Variants in RPGRIP1 observed in about 807,000 individuals in gnomAD.
RPGRIP1 encodes RPGR interacting protein 1.
Under a neutral mutation model 157.9 loss-of-function variants are expected in RPGRIP1, and 128 were observed. The ratio of observed to expected loss-of-function variants is 0.81; its 90% confidence interval spans 0.70 to 0.94. RPGRIP1 has a LOEUF of 0.94. Ranked by LOEUF, RPGRIP1 falls within the 40% of genes least tolerant of loss-of-function variation. RPGRIP1 has a pLI of 0.00. For missense variants in RPGRIP1, 1,486 were observed against 1,545.8 expected, an observed-to-expected ratio of 0.96 and a Z score of 0.65; for synonymous variants, 554 against 571.6, an observed-to-expected ratio of 0.97 and a Z score of 0.44.
intron 1 of RPGRIP1, among the ~76,000 whole-genome samples, 123 bp downstream of exon 1, chr14:21,280,282 C>T (rs1355586853): frequency 7.9e-6 from 1 of 126,686 alleles, no homozygotes; most frequent in Non-Finnish European, 1.6e-5. Flanking sequence ...CTTACTCTGT[C>T]GCCCAGGCTG....
chr14:21,304,415 G>T (rs930740349), intron 6 of RPGRIP1, among the ~76,000 whole-genome samples: 4 of 149,848 alleles, frequency 2.7e-5, no homozygotes, highest in Non-Finnish European at 5.9e-5. Flanking sequence ...AAGAAAGAAA[G>T]AAAGAAAGAA....
intron 3 of RPGRIP1, among the ~76,000 whole-genome samples, chr14:21,295,214 C>T (rs1268616294): frequency 6.6e-6 from 1 of 152,036 alleles, no homozygotes; most frequent in African/African-American, 2.4e-5. Context: ...ACTGTGACCA[C>T]AGGACACAGA....
At chr14:21,343,336 A>G in intron 22 of RPGRIP1, 108 bp downstream of exon 22, 1 of 821,036 alleles carries the variant, frequency 1.2e-6, no homozygotes, top group East Asian at 2.7e-5. Context: ...ATTTCACTTT[A>G]TTATTTTATT....
At chr14:21,327,859 A>C (rs1439961351) in intron 18 of RPGRIP1, 52 bp downstream of exon 18, 1 of 1,380,142 alleles carries the variant, frequency 7.2e-7, no homozygotes, top group African/African-American at 1.4e-5. Flanking sequence ...CCTATGGAGC[A>C]GATTTGAAGG....
Position 21,324,901 on chromosome 14 carries a change from T to C in RPGRIP1, c.2046T>C (p.Tyr682=), listed in dbSNP as rs1472350635. 1.2e-6 allele frequency: 2 copies of C among 1,614,042 alleles called. No homozygotes were observed. Among genetic ancestry groups the C allele is most frequent in the South Asian group, 1.1e-5 (1 of 91,086 alleles). The change falls in exon 15 of 25, where the codon TAT becomes TAC. Residue 682 remains tyrosine (Y), a synonymous_variant. Transcript: ENST00000400017. ...PQPLYDFTSQ[Y]VMETDSLFLH... ...CCCTCTATGACTTCACCTCCCAGTA[T>C]GTGATGGAGACAGATTCGCTTTTCT... is the stretch of plus-strand genomic sequence containing the variant.
chr14:21,296,897 A>G (rs1302927969), intron 3 of RPGRIP1, among the ~76,000 whole-genome samples: 1 of 150,996 alleles, frequency 6.6e-6, no homozygotes, highest in East Asian at 2.0e-4. Context: ...GGTTGCAGTG[A>G]GCCGAAATTG....
At chr14:21,343,260 G>T in intron 22 of RPGRIP1, 32 bp downstream of exon 22, 1 of 1,532,508 alleles carries the variant, frequency 6.5e-7, no homozygotes. Flanking sequence ...CTGGGGTGAG[G>T]AAGTCTGATG....
chr14:21,319,901 C>A (rs913350370), intron 11 of RPGRIP1, 116 bp from the exon 12 acceptor site: 1 of 1,044,218 alleles, frequency 9.6e-7, no homozygotes, highest in Admixed American at 2.7e-5. Context: ...AATTGCTTCT[C>A]AAATTTATAA....
intron 24 of RPGRIP1, 146 bp from the exon 25 acceptor site, chr14:21,350,958 A>G (rs1886212491): frequency 3.5e-6 from 2 of 573,372 alleles, no homozygotes; most frequent in South Asian, 2.5e-5. Context: ...TATACACTAT[A>G]CCATTTTCCT....
intron 1 of RPGRIP1, among the ~76,000 whole-genome samples, chr14:21,287,500 G>A (rs896539786): frequency 3.9e-5 from 6 of 152,112 alleles, no homozygotes; most frequent in Non-Finnish European, 5.9e-5. Flanking sequence ...TTGGTTCAGC[G>A]AGGGTCATTT....
chr14:21,313,485 C>G (rs575921316), intron 10 of RPGRIP1, among the ~76,000 whole-genome samples: 1 of 152,144 alleles, frequency 6.6e-6, no homozygotes, highest in Non-Finnish European at 1.5e-5. Flanking sequence ...AAGTGCTATG[C>G]AGCTGTTAAA....
rs139907803 is a variant in RPGRIP1 at position 21,343,616 on chromosome 14, A to G, written c.3532+388A>G. Among the ~76,000 whole-genome samples the G allele has an allele frequency of 4.6e-5, 7 of 152,004 alleles. No homozygotes were observed. The East Asian group carries it at 1.4e-3, about 29-fold the overall frequency. ...AGCGATTCACGTGACTCAGCCTCCCAAGTAGCTGGGATTGCAGGTGTGCGC... is the reference window on the plus strand; with the variant it reads ...AGCGATTCACGTGACTCAGCCTCCCGAGTAGCTGGGATTGCAGGTGTGCGC... On this transcript the variant is annotated intron_variant, in intron 22 of 24. Coordinates refer to ENST00000400017, the MANE Select transcript of RPGRIP1 (RefSeq NM_020366.4).
chr14:21,326,515 A>T (rs28549987), intron 17 of RPGRIP1, among the ~76,000 whole-genome samples: 337 of 152,178 alleles, frequency 2.2e-3, no homozygotes, highest in African/African-American at 8.0e-3. Context: ...GATTACAGAC[A>T]TGCGCCACCA....
At chr14:21,297,847 T>TTCTTTCTTTCTC (rs1880854490) in intron 3 of RPGRIP1, among the ~76,000 whole-genome samples, 2 of 148,516 alleles carry the variant, frequency 1.3e-5, no homozygotes, top group African/African-American at 5.0e-5. Flanking sequence ...CTTTCTTTCT[T>TTCTTTCTTTCTC]TCTTTCTTTC....
intron 1 of RPGRIP1, among the ~76,000 whole-genome samples, chr14:21,282,213 A>G (rs1456467443): frequency 6.6e-6 from 1 of 152,168 alleles, no homozygotes; most frequent in Non-Finnish European, 1.5e-5. Context: ...GTCCAAGTGC[A>G]CTGCAATTCT....
Position 21,324,732 on chromosome 14 carries a change from A to G in RPGRIP1, c.1877A>G (p.Asn626Ser), listed in dbSNP as rs1247485541. 5 of 1,614,038 alleles carry G rather than the reference A, an allele frequency of 3.1e-6. No homozygotes were observed. The highest frequency in any genetic ancestry group is 1.7e-5 in the Admixed American group (1 of 60,018). Reference sequence around the variant, plus strand: ...ATTTCTCTGCTGCATCAGGGTGAGAATCTTTTTGAACTGCACATCCACCAG... The same window carrying G: ...ATTTCTCTGCTGCATCAGGGTGAGAGTCTTTTTGAACTGCACATCCACCAG... ...VDISLLHQGE[N>S]LFELHIHQAF... The change falls in exon 15 of 25, where the codon AAT becomes AGT. Residue 626 changes from asparagine to serine, a missense_variant. Transcript: ENST00000400017.
At chr14:21,289,839 G>T (rs542324515) in intron 2 of RPGRIP1, among the ~76,000 whole-genome samples, 1 of 151,438 alleles carries the variant, frequency 6.6e-6, no homozygotes, top group South Asian at 2.1e-4. Flanking sequence ...TATACCAGGA[G>T]ACATTACCAG....
chr14:21,308,120 C>A (rs534560845), intron 7 of RPGRIP1, among the ~76,000 whole-genome samples: 8 of 152,214 alleles, frequency 5.3e-5, no homozygotes, highest in Admixed American at 3.3e-4. Context: ...CGGTCCCCTA[C>A]GAAGACCACA....
chr14:21,335,901 C>A (rs1191716096), intron 21 of RPGRIP1, among the ~76,000 whole-genome samples: 1 of 152,164 alleles, frequency 6.6e-6, no homozygotes, highest in Non-Finnish European at 1.5e-5. Context: ...AGGTAGAAAA[C>A]AATTACTCTT....
Sources: allele counts gnomAD v4.1 joint callset (sites outside exome capture counted in the v4.1 genomes callset), GRCh38; gene constraint gnomAD v4.1.1; transcripts MANE v1.5; gene names NCBI Gene and HGNC (gene_info 2026-07-23, HGNC 2026-07-21).